PRIM2: variants seen among roughly 807,000 people sequenced by gnomAD.
The protein encoded by PRIM2 is DNA primase large subunit.
Under a neutral mutation model 67.3 loss-of-function variants are expected in PRIM2, and 39 were observed. The observed-to-expected ratio is 0.58, with a 90% CI of 0.45 to 0.76. PRIM2 has a LOEUF of 0.76. PRIM2 is among the 30% of genes least tolerant of loss of function. PRIM2 has a pLI of 0.00. For missense variants in PRIM2, 398 were observed against 598.7 expected, an observed-to-expected ratio of 0.66 and a Z score of 3.50; for synonymous variants, 143 against 198.7, an observed-to-expected ratio of 0.72 and a Z score of 2.36.
intron 7 of PRIM2, among the ~76,000 whole-genome samples, chr6:57,460,752 C>A (rs1222085903): frequency 2.6e-5 from 4 of 151,992 alleles, no homozygotes; most frequent in African/African-American, 9.7e-5. Context: ...CTGTGTTTTC[C>A]TTGCTTTTGG....
At chr6:57,388,159 A>AT (rs932475838) in intron 7 of PRIM2, among the ~76,000 whole-genome samples, 17 of 151,506 alleles carry the variant, frequency 1.1e-4, no homozygotes, top group South Asian at 2.1e-4. Context: ...AAAGAGTTTG[A>AT]TTTTTTTTTA....
intron 7 of PRIM2, among the ~76,000 whole-genome samples, chr6:57,493,093 A>C (rs1267177319): frequency 2.0e-5 from 3 of 152,230 alleles, no homozygotes; most frequent in Non-Finnish European, 4.4e-5. Context: ...CTGGATGCTT[A>C]ACAGGCAGTT....
At chr6:57,256,470 C>T in the PRIM2 span, among the ~76,000 whole-genome samples, 2 of 152,100 alleles carry the variant, frequency 1.3e-5, no homozygotes, top group Non-Finnish European at 2.9e-5. Context: ...GATAAAATAA[C>T]GTAAGTCACA....
At chr6:57,531,433 A>G (rs1230181967) in intron 8 of PRIM2, among the ~76,000 whole-genome samples, 47 of 152,126 alleles carry the variant, frequency 3.1e-4, no homozygotes, top group African/African-American at 1.1e-3. Context: ...TAGTTGTGGT[A>G]TTTGTATAAT....
At chr6:57,637,008 C>A (rs1211572583) in intron 13 of PRIM2, among the ~76,000 whole-genome samples, 6 of 152,170 alleles carry the variant, frequency 3.9e-5, no homozygotes, top group Admixed American at 2.6e-4. Context: ...CAGGAGAGCT[C>A]CGGCTGGCAT....
At chr6:57,503,315 C>T (rs1554347044) in intron 7 of PRIM2, among the ~76,000 whole-genome samples, 12 of 152,148 alleles carry the variant, frequency 7.9e-5, no homozygotes, top group Admixed American at 2.0e-4. Flanking sequence ...TGCTGCTTTA[C>T]GAAGAGTTAG....
chr6:57,553,344 C>T (rs1484052933), intron 10 of PRIM2, among the ~76,000 whole-genome samples: 5 of 151,816 alleles, frequency 3.3e-5, no homozygotes, highest in African/African-American at 1.2e-4. Flanking sequence ...AGTTTTATCA[C>T]AATAATGCTT....
intron 5 of PRIM2, among the ~76,000 whole-genome samples, chr6:57,328,522 G>T (rs753516653): frequency 1.6e-4 from 24 of 152,182 alleles, no homozygotes; most frequent in Non-Finnish European, 3.2e-4. Context: ...GAATGTATCA[G>T]TATTAATTTT....
chr6:57,296,533 A>ATG, the PRIM2 span, among the ~76,000 whole-genome samples: 4 of 152,068 alleles, frequency 2.6e-5, no homozygotes, highest in South Asian at 8.3e-4. Context: ...TGTAAATTGT[A>ATG]TGTATATATA....
chr6:57,292,673 G>T, the PRIM2 span, among the ~76,000 whole-genome samples: 3 of 152,082 alleles, frequency 2.0e-5, no homozygotes, highest in African/African-American at 2.4e-5. Context: ...AGAGGCCTCC[G>T]AAATAACACC....
rs1776945587 is a variant in PRIM2, at chr6:57,626,095, T to C, written c.1231-6038T>C. ...AGACAAAACATGACCTTGAATTAGA[T>C]TAGCCACATATCTAATTGGTGAGTA... is the stretch of plus-strand genomic sequence containing the variant. On this transcript the variant is annotated intron_variant, in intron 12 of 13. Transcript: ENST00000615550. Among the ~76,000 whole-genome samples the C allele has an allele frequency of 2.0e-5, 3 of 152,362 alleles. No individual in the cohort carries two copies. The South Asian group carries it at 6.2e-4, about 32-fold the overall frequency.
At chr6:57,291,861 C>T in the PRIM2 span, among the ~76,000 whole-genome samples, 1 of 152,156 alleles carries the variant, frequency 6.6e-6, no homozygotes, top group Non-Finnish European at 1.5e-5. Context: ...ATAATAAGAG[C>T]TATTTATGAC....
At chr6:57,286,899 A>C in the PRIM2 span, among the ~76,000 whole-genome samples, 1 of 152,238 alleles carries the variant, frequency 6.6e-6, no homozygotes, top group Non-Finnish European at 1.5e-5. Flanking sequence ...AAGGTACTTA[A>C]ACAAATTTAC....
chr6:57,226,917 A>T, the PRIM2 span, among the ~76,000 whole-genome samples: 1 of 152,112 alleles, frequency 6.6e-6, no homozygotes, highest in East Asian at 1.9e-4. Context: ...ACTAGTTATA[A>T]CCCCTCACAG....
chr6:57,442,385 T>G (rs1772228737), intron 7 of PRIM2, among the ~76,000 whole-genome samples: 1 of 151,976 alleles, frequency 6.6e-6, no homozygotes, highest in Non-Finnish European at 1.5e-5. Context: ...ATACAAAGTA[T>G]TCAATGAATA....
intron 5 of PRIM2, among the ~76,000 whole-genome samples, chr6:57,346,994 C>T (rs1415679435): frequency 6.6e-6 from 1 of 152,098 alleles, no homozygotes; most frequent in African/African-American, 2.4e-5. Context: ...CTGGACTTGT[C>T]TCCATTTATT....
the PRIM2 span, among the ~76,000 whole-genome samples, chr6:57,285,949 C>A: frequency 6.6e-6 from 1 of 152,162 alleles, no homozygotes; most frequent in African/African-American, 2.4e-5. Context: ...CACAAGCATT[C>A]CTATACACAA....
the PRIM2 span, among the ~76,000 whole-genome samples, chr6:57,270,004 A>C: frequency 1.3e-5 from 2 of 152,272 alleles, no homozygotes; most frequent in East Asian, 1.9e-4. Context: ...CTGTTTTGGT[A>C]CCAGTACCAT....
At chr6:57,434,248 A>C (rs1771937892) in intron 7 of PRIM2, among the ~76,000 whole-genome samples, 1 of 151,928 alleles carries the variant, frequency 6.6e-6, no homozygotes, top group Admixed American at 6.6e-5. Flanking sequence ...AAATATGTAA[A>C]ATGTACAAGG....
Sources: allele counts gnomAD v4.1 joint callset (sites outside exome capture counted in the v4.1 genomes callset), GRCh38; gene constraint gnomAD v4.1.1; transcripts MANE v1.5; gene names NCBI Gene and HGNC (gene_info 2026-07-23, HGNC 2026-07-21).